FBXL14: variants seen among roughly 807,000 people sequenced by gnomAD.
The protein encoded by FBXL14 is F-box/LRR-repeat protein 14.
In FBXL14, 11 loss-of-function variants were observed where a neutral mutation model predicts 24.5. That is an observed-to-expected ratio of 0.45 (90% CI 0.28 to 0.74). FBXL14 has a LOEUF of 0.74. Among genes scored for constraint, FBXL14 ranks in the 30% least tolerant of loss-of-function variants. The pLI, the probability that FBXL14 is intolerant of heterozygous loss-of-function variation, is 0.12. For synonymous variants in FBXL14, 294 were observed against 240.4 expected, an observed-to-expected ratio of 1.22 and a Z score of -2.06; for missense variants, 384 against 545.6, an observed-to-expected ratio of 0.70 and a Z score of 2.95.
intron 1 of FBXL14, among the ~76,000 whole-genome samples, chr12:1,573,732 TG>T (rs2094449585): frequency 1.3e-5 from 2 of 152,138 alleles, no homozygotes; most frequent in Non-Finnish European, 2.9e-5. Flanking sequence ...AGGCCGGGCC[TG>T]GTGGCTCACA....
chr12:1,570,001 G>C (rs1252204233), intron 1 of FBXL14, among the ~76,000 whole-genome samples: 1 of 152,232 alleles, frequency 6.6e-6, no homozygotes, highest in East Asian at 1.9e-4. Context: ...AGGCTTTTAT[G>C]AGGTTCAGAT....
intron 1 of FBXL14, among the ~76,000 whole-genome samples, chr12:1,584,938 C>T (rs370171528): frequency 4.8e-4 from 73 of 152,276 alleles, no homozygotes; most frequent in African/African-American, 1.7e-3. Context: ...ATTTGAGGGG[C>T]GTTTGCGGGC....
intron 1 of FBXL14, among the ~76,000 whole-genome samples, chr12:1,578,942 A>G (rs535774856): frequency 6.6e-6 from 1 of 152,016 alleles, no homozygotes; most frequent in Non-Finnish European, 1.5e-5. Flanking sequence ...GCTCGTCTTC[A>G]TGTAAAGTCG....
chr12:1,594,495 G>A lies in FBXL14; in HGVS notation c.-429C>T, dbSNP rs913427790. The stretch of plus-strand genomic sequence containing the variant: ...CGCCGCCGCTGCTCCGCGGGCCGGC[G>A]GGCGGCGAGGGGGCCCCGGGGGCCG... On this transcript the variant is annotated 5_prime_UTR_variant, in exon 1 of 2. Coordinates refer to ENST00000339235, the MANE Select transcript of FBXL14 (RefSeq NM_152441.3). Among the ~76,000 whole-genome samples, 5 of 146,942 alleles carry A rather than the reference G, an allele frequency of 3.4e-5. No homozygotes were observed. Among genetic ancestry groups the A allele is most frequent in the African/African-American group, 7.3e-5 (3 of 40,836 alleles).
At chr12:1,575,962 G>C (rs10848529) in intron 1 of FBXL14, among the ~76,000 whole-genome samples, 114,383 of 152,080 alleles carry the variant, frequency 0.75, 45,895 homozygotes, top group Non-Finnish European at 0.91. Flanking sequence ...AGCCTGCCTG[G>C]ATGTGTGTTT....
chr12:1,593,822 A>T lies in FBXL14; in HGVS notation c.245T>A (p.Leu82His). ...RVQILSLRRS[L>H]SYVIQGMANI... ...GGCCATGCCCTGGATCACGTAGCTG[A>T]GGCTGCGGCGGAGGCTCAGGATCTG... Residue 82 changes from leucine (L) to histidine (H), a missense_variant, in exon 1 of 2, where the codon CTC becomes CAC. Transcript: ENST00000339235. The surrounding 1 kb of genome is among the most constrained non-coding windows in gnomAD (Gnocchi z 7.4). The T allele has an allele frequency of 6.2e-7, 1 of 1,614,030 alleles. No individual in the cohort carries two copies. Among genetic ancestry groups the T allele is most frequent in the Non-Finnish European group, 8.5e-7 (1 of 1,179,978 alleles).
intron 1 of FBXL14, among the ~76,000 whole-genome samples, chr12:1,591,278 A>C (rs1225656705): frequency 6.6e-6 from 1 of 151,258 alleles, no homozygotes; most frequent in African/African-American, 2.4e-5. Flanking sequence ...TATACAAACA[A>C]CACCTCCTAC....
rs774399331 is a variant in FBXL14, at chr12:1,594,159, C to CGCT, written c.-94_-93insAGC. 5 of 751,818 alleles carry CGCT rather than the reference C, an allele frequency of 6.7e-6. No homozygotes were observed. Among genetic ancestry groups the CGCT allele is most frequent in the Non-Finnish European group, 8.3e-6 (5 of 602,254 alleles). The allele number at this position is 751,818 out of a possible 1,614,324, so 46.6% of individuals were successfully genotyped here. On this transcript the variant is annotated 5_prime_UTR_variant, in exon 1 of 2. Coordinates refer to ENST00000339235, the MANE Select transcript of FBXL14 (RefSeq NM_152441.3). ...GGCGACGAGAGCGCTTCTCCCCAGC[C>CGCT]GCCGCCGCCGCCGCCGCCGCCGCCT...
intron 1 of FBXL14, among the ~76,000 whole-genome samples, chr12:1,591,526 CT>C (rs1398046102): frequency 6.6e-6 from 1 of 152,104 alleles, no homozygotes; most frequent in Non-Finnish European, 1.5e-5. Context: ...ACTCCATGGT[CT>C]TGCATGTTGC....
chr12:1,569,525 T>C lies in FBXL14; in HGVS notation c.1195-2715A>G, dbSNP rs149733731. Among the ~76,000 whole-genome samples the C allele has an allele frequency of 0.039, 5,956 of 152,006 alleles. 158 individuals carry two copies. The highest frequency in any genetic ancestry group is 0.071 in the Middle Eastern group (21 of 294). ...ACGCCATTCTCCTGCCTCAGCCTCC[T>C]GAGTAGCTGGGATTACAGGCGCCCG... On this transcript the variant is annotated intron_variant, in intron 1 of 1. Coordinates refer to ENST00000339235, the MANE Select transcript of FBXL14 (RefSeq NM_152441.3). The surrounding 1 kb of genome is among the most constrained non-coding windows in gnomAD (Gnocchi z 4.2).
chr12:1,575,560 C>A (rs182214628), intron 1 of FBXL14, among the ~76,000 whole-genome samples: 1 of 152,218 alleles, frequency 6.6e-6, no homozygotes, highest in Non-Finnish European at 1.5e-5. Context: ...CTCTACTCCC[C>A]CTCGGAATCT....
chr12:1,579,103 C>G lies in FBXL14; in HGVS notation c.1195-12293G>C, dbSNP rs566182564. On this transcript the variant is annotated intron_variant, in intron 1 of 1. Transcript: ENST00000339235. The surrounding 1 kb of genome is among the most constrained non-coding windows in gnomAD (Gnocchi z 4.3). ...CTTTAGGGAAACGACATGGTCTCCT[C>G]CTGTAACACTCCCCAAAAGAAGTAT... Among the ~76,000 whole-genome samples the G allele has an allele frequency of 3.3e-5, 5 of 152,000 alleles. No individual in the cohort carries two copies. Among genetic ancestry groups the G allele is most frequent in the Non-Finnish European group, 7.4e-5 (5 of 67,994 alleles).
At chr12:1,584,494 G>C (rs866233731) in intron 1 of FBXL14, among the ~76,000 whole-genome samples, 2 of 152,048 alleles carry the variant, frequency 1.3e-5, no homozygotes, top group Non-Finnish European at 1.5e-5. Flanking sequence ...CCTTCCTGGG[G>C]GTCATGCTGT....
intron 1 of FBXL14, among the ~76,000 whole-genome samples, chr12:1,583,910 T>C (rs187143443): frequency 6.6e-6 from 1 of 152,256 alleles, no homozygotes; most frequent in East Asian, 1.9e-4. Context: ...AGGTAAATTG[T>C]GTGTAAGAGG....
At position 1,567,753 on chromosome 12, in the gene FBXL14, G is replaced by A. The variant is rs2154437618; in HGVS notation, c.1195-943C>T. Among the ~76,000 whole-genome samples, 1 of 152,380 alleles carries A rather than the reference G, an allele frequency of 6.6e-6. No individual in the cohort carries two copies. The highest frequency in any genetic ancestry group is 2.1e-4 in the South Asian group (1 of 4,834). Reference sequence around the variant, plus strand: ...GAGAGCAAAGCACGGTGACGGAAATGAAGAATGCCGCTGATGGGCTTTGAT... The same window carrying A: ...GAGAGCAAAGCACGGTGACGGAAATAAAGAATGCCGCTGATGGGCTTTGAT... On this transcript the variant is annotated intron_variant, in intron 1 of 1. Transcript: ENST00000339235. This position sits in a 1 kb window ranked among gnomAD's most constrained non-coding sequence, Gnocchi z 4.8.
rs934291543 is a variant in FBXL14 at position 1,567,156 on chromosome 12, A to C, written c.1195-346T>G. On this transcript the variant is annotated intron_variant, in intron 1 of 1. Coordinates refer to ENST00000339235, the MANE Select transcript of FBXL14 (RefSeq NM_152441.3). This position sits in a 1 kb window ranked among gnomAD's most constrained non-coding sequence, Gnocchi z 4.8. ...TCACAGCCACTATCAAGAAAAAGAT[A>C]TAAGACATACTAAAGGGCAAATAGG... 1.2e-4 allele frequency among the ~76,000 whole-genome samples: 18 copies of C among 152,090 alleles called. No homozygotes were observed. The highest frequency in any genetic ancestry group is 4.3e-4 in the African/African-American group (18 of 41,412).
intron 1 of FBXL14, among the ~76,000 whole-genome samples, chr12:1,576,204 G>A (rs1466717030): frequency 6.6e-6 from 1 of 152,094 alleles, no homozygotes; most frequent in Admixed American, 6.6e-5. Flanking sequence ...CTCCCTGGGG[G>A]ACCTTTTAGC....
chr12:1,584,323 C>T (rs778590903), intron 1 of FBXL14, among the ~76,000 whole-genome samples: 5 of 152,194 alleles, frequency 3.3e-5, no homozygotes, highest in Admixed American at 2.0e-4. Context: ...TGCACTTCAG[C>T]CTGGGTGACA....
rs186323411 is a variant in FBXL14, at chr12:1,591,629, C to G, written c.1194+1244G>C. Among the ~76,000 whole-genome samples the G allele has an allele frequency of 1.0e-3, 157 of 152,180 alleles. No individual in the cohort carries two copies. In the South Asian group the frequency reaches 0.015, roughly 15 times the overall value. On this transcript the variant is annotated intron_variant, in intron 1 of 1. Transcript: ENST00000339235. ...TTCTTTAAAGCCACAAGTCCCAACC[C>G]CCACCAAAAGAAAGAAAGTCATCTA...
Sources: allele counts gnomAD v4.1 joint callset (sites outside exome capture counted in the v4.1 genomes callset), GRCh38; gene constraint gnomAD v4.1.1; non-coding constraint Gnocchi (gnomAD v3.1); transcripts MANE v1.5; gene names NCBI Gene and HGNC (gene_info 2026-07-23, HGNC 2026-07-21).